Variants in TNFRSF8 observed in about 807,000 individuals in gnomAD.
The protein encoded by TNFRSF8 is TNF receptor superfamily member 8.
A neutral mutation model predicts 70.8 loss-of-function variants in TNFRSF8; 26 were observed. That is an observed-to-expected ratio of 0.37 (90% CI 0.27 to 0.51). The LOEUF (loss-of-function observed/expected upper bound fraction) is 0.51, where lower values mean the gene tolerates loss of function less well. TNFRSF8 is among the 20% of genes least tolerant of loss of function. The pLI is 0.94. For missense variants in TNFRSF8, 720 were observed against 807.9 expected, an observed-to-expected ratio of 0.89 and a Z score of 1.32; for synonymous variants, 356 against 339.2, an observed-to-expected ratio of 1.05 and a Z score of -0.54.
chr1:12,122,042 G>GCC (rs1284149328), intron 8 of TNFRSF8, among the ~76,000 whole-genome samples: 15 of 152,180 alleles, frequency 9.9e-5, no homozygotes, highest in Admixed American at 6.5e-5. Flanking sequence ...GCAGATCGGT[G>GCC]GTTGCCTGGA....
At position 12,108,283 on chromosome 1, in the gene TNFRSF8, T is replaced by C. The variant is rs1641563202; in HGVS notation, c.422-1283T>C. ...TTAGTAGAGATGGGGTTTCACTATGTTGTCCAGGCTGGTCTCGAACTCCTG... is the reference window on the plus strand; with the variant it reads ...TTAGTAGAGATGGGGTTTCACTATGCTGTCCAGGCTGGTCTCGAACTCCTG... On this transcript the variant is annotated intron_variant, in intron 4 of 14. Coordinates refer to ENST00000263932, the MANE Select transcript of TNFRSF8 (RefSeq NM_001243.5). This position sits in a 1 kb window ranked among gnomAD's most constrained non-coding sequence, Gnocchi z 4.0. Among the ~76,000 whole-genome samples the C allele has an allele frequency of 6.6e-6, 1 of 151,926 alleles. No individual in the cohort carries two copies. The highest frequency in any genetic ancestry group is 1.5e-5 in the Non-Finnish European group (1 of 67,988).
At chr1:12,100,709 C>G (rs1641407866) in intron 3 of TNFRSF8, among the ~76,000 whole-genome samples, 1 of 152,180 alleles carries the variant, frequency 6.6e-6, no homozygotes, top group Admixed American at 6.5e-5. Flanking sequence ...GTAATCCCAG[C>G]ACTTTGGGAA....
At chr1:12,100,820 G>T (rs144143118) in intron 3 of TNFRSF8, among the ~76,000 whole-genome samples, 30 of 152,266 alleles carry the variant, frequency 2.0e-4, no homozygotes, top group African/African-American at 4.3e-4. Flanking sequence ...AGCCGGGCAC[G>T]TTGGCATGCG....
rs1305133264 is a variant in TNFRSF8 at position 12,119,347 on chromosome 1, A to G, written c.946+3618A>G. Reference sequence around the variant, plus strand: ...CCAAAGTGCTCCAGGCGTCTCCCCCACAGTGGCAGCCTCAATTTCTCTGTG... The same window carrying G: ...CCAAAGTGCTCCAGGCGTCTCCCCCGCAGTGGCAGCCTCAATTTCTCTGTG... On this transcript the variant is annotated intron_variant, in intron 8 of 14. Coordinates refer to ENST00000263932, the MANE Select transcript of TNFRSF8 (RefSeq NM_001243.5). This position sits in a 1 kb window ranked among gnomAD's most constrained non-coding sequence, Gnocchi z 4.4. Among the ~76,000 whole-genome samples the G allele has an allele frequency of 6.6e-6, 1 of 152,076 alleles. No homozygotes were observed. Among genetic ancestry groups the G allele is most frequent in the Admixed American group, 6.5e-5 (1 of 15,270 alleles).
At chr1:12,094,448 G>C (rs1641295285) in intron 2 of TNFRSF8, among the ~76,000 whole-genome samples, 1 of 152,002 alleles carries the variant, frequency 6.6e-6, no homozygotes, top group African/African-American at 2.4e-5. Flanking sequence ...AGGGCAAGGG[G>C]GACATAGGTG....
At chr1:12,076,103 CTTTTTTTT>C (rs146740361) in intron 1 of TNFRSF8, among the ~76,000 whole-genome samples, 6 of 96,368 alleles carry the variant, frequency 6.2e-5, no homozygotes, top group African/African-American at 2.6e-4. Flanking sequence ...TTTTCTTTTT[CTTTTTTTT>C]TTTTTTGAGA....
At chr1:12,105,980 C>T (rs559786364) in intron 4 of TNFRSF8, among the ~76,000 whole-genome samples, 2 of 151,848 alleles carry the variant, frequency 1.3e-5, no homozygotes, top group Non-Finnish European at 2.9e-5. Context: ...GGACTCACCA[C>T]GGTGTCCTTC....
At chr1:12,068,780 T>C (rs1640785788) in intron 1 of TNFRSF8, among the ~76,000 whole-genome samples, 1 of 152,194 alleles carries the variant, frequency 6.6e-6, no homozygotes, top group Non-Finnish European at 1.5e-5. Context: ...CGTGACAGGA[T>C]GCTTGCTCCT....
chr1:12,078,297 C>T (rs1303812243), intron 1 of TNFRSF8, among the ~76,000 whole-genome samples: 1 of 152,170 alleles, frequency 6.6e-6, no homozygotes, highest in Non-Finnish European at 1.5e-5. Flanking sequence ...GGCATGGTGG[C>T]TCATGCCTGT....
At chr1:12,095,005 T>C (rs558143941) in intron 2 of TNFRSF8, among the ~76,000 whole-genome samples, 1 of 152,206 alleles carries the variant, frequency 6.6e-6, no homozygotes, top group South Asian at 2.1e-4. Flanking sequence ...GACTCAAAGG[T>C]AGATTTCACA....
intron 8 of TNFRSF8, among the ~76,000 whole-genome samples, chr1:12,120,506 A>G (rs1218013602): frequency 6.6e-6 from 1 of 152,254 alleles, no homozygotes; most frequent in East Asian, 1.9e-4. Context: ...AGAAATATAC[A>G]GTCCAAATAT....
At chr1:12,116,286 C>G (rs1160204464) in intron 8 of TNFRSF8, among the ~76,000 whole-genome samples, 1 of 152,200 alleles carries the variant, frequency 6.6e-6, no homozygotes, top group South Asian at 2.1e-4. Flanking sequence ...CAGCCCCGGG[C>G]TGGTAAAATC....
chr1:12,125,215 C>G (rs1356908859), intron 10 of TNFRSF8, among the ~76,000 whole-genome samples: 1 of 152,216 alleles, frequency 6.6e-6, no homozygotes, highest in Non-Finnish European at 1.5e-5. Context: ...GCTCTATGAT[C>G]TCTGTAAGTG....
At chr1:12,084,744 CTG>C (rs137907825) in intron 2 of TNFRSF8, among the ~76,000 whole-genome samples, 193 bp downstream of exon 2, 38,363 of 151,996 alleles carry the variant, frequency 0.25, 5,219 homozygotes, top group South Asian at 0.38. Flanking sequence ...AGAATTGAGA[CTG>C]TGTTTCTTGC....
chr1:12,104,332 A>C, intron 3 of TNFRSF8, 47 bp from the exon 4 acceptor site: 2 of 1,609,888 alleles, frequency 1.2e-6, no homozygotes, highest in Non-Finnish European at 8.5e-7. Flanking sequence ...ATCTGGAGAG[A>C]CGCCTTCCTT....
intron 13 of TNFRSF8, among the ~76,000 whole-genome samples, chr1:12,137,555 TTTGTTTTTTTTTTG>T (rs1416084257): frequency 7.7e-6 from 1 of 129,560 alleles, no homozygotes; most frequent in African/African-American, 2.9e-5. Context: ...TTTGTTTTTT[TTTGTTTTTTTTTTG>T]TTTTTTTTTT....
Position 12,124,878 on chromosome 1 carries a change from C to CA in TNFRSF8, c.1153+1054dup, listed in dbSNP as rs148495171. 3.7e-3 allele frequency among the ~76,000 whole-genome samples: 520 copies of CA among 141,926 alleles called. 4 individuals carry two copies. The highest frequency in any genetic ancestry group is 0.016 in the East Asian group (63 of 3,856). 93.1% of individuals were successfully genotyped at this position (141,926 alleles called of 152,430 possible). A position where few individuals can be genotyped will look rare whatever the true frequency, so the allele number is the denominator to read the frequency against. ...CAAAACAAAACAAAACAAAACAAAA[C>CA]AAACAAAACCCCCAAGAGTTAGCTC... On this transcript the variant is annotated intron_variant, in intron 10 of 14. Transcript: ENST00000263932.
rs1641663155 is a variant in TNFRSF8, at chr1:12,113,252, C to T, written c.793+1238C>T. 6.6e-6 allele frequency among the ~76,000 whole-genome samples: 1 copy of T among 152,224 alleles called. No individual in the cohort carries two copies. The highest frequency in any genetic ancestry group is 6.5e-5 in the Admixed American group (1 of 15,284). On this transcript the variant is annotated intron_variant, in intron 7 of 14. Coordinates refer to ENST00000263932, the MANE Select transcript of TNFRSF8 (RefSeq NM_001243.5). The surrounding 1 kb of genome is among the most constrained non-coding windows in gnomAD (Gnocchi z 4.9). ...TCCTGGCTGCAGCCTTGGTTCCCTT[C>T]CATGTCGGCCTCTTCGTGTCTTACC...
At chr1:12,126,366 G>T (rs576412255) in intron 12 of TNFRSF8, 130 bp downstream of exon 12, 6 of 1,052,760 alleles carry the variant, frequency 5.7e-6, no homozygotes, top group South Asian at 1.3e-5. Flanking sequence ...GGCTCCTGTC[G>T]CATTCTGTAC....
Sources: allele counts gnomAD v4.1 joint callset (sites outside exome capture counted in the v4.1 genomes callset), GRCh38; gene constraint gnomAD v4.1.1; non-coding constraint Gnocchi (gnomAD v3.1); transcripts MANE v1.5; gene names NCBI Gene and HGNC (gene_info 2026-07-23, HGNC 2026-07-21).